The following C12orf42 variants were observed in gnomAD, a reference collection of about 807,000 sequenced individuals.
C12orf42 encodes uncharacterized protein C12orf42.
A neutral mutation model predicts 21.6 loss-of-function variants in C12orf42; 25 were observed. The ratio of observed to expected loss-of-function variants is 1.16; its 90% confidence interval spans 0.84 to 1.62. C12orf42 has a LOEUF of 1.62. Ranked by LOEUF, C12orf42 falls within the 40% of genes most tolerant of loss-of-function variation. The probability of loss-of-function intolerance (pLI) is 0.00; values close to 1 mark genes in which losing one functional copy is unlikely to be tolerated. For synonymous variants in C12orf42, 174 were observed against 175.0 expected (o/e 0.99, Z 0.05); for missense variants, 483 against 459.3 (o/e 1.05, Z -0.47).
the C12orf42 span, among the ~76,000 whole-genome samples, chr12:103,175,565 G>T: frequency 9.2e-5 from 14 of 152,116 alleles, no homozygotes. Context: ...AAAGAGTGGC[G>T]TGAAGTTCAG....
chr12:103,179,622 T>C, the C12orf42 span, among the ~76,000 whole-genome samples: 1 of 152,182 alleles, frequency 6.6e-6, no homozygotes, highest in African/African-American at 2.4e-5. Flanking sequence ...TTTTAAAGCA[T>C]CTGTACTTTG....
At chr12:103,314,207 G>A (rs901793397) in intron 4 of C12orf42, among the ~76,000 whole-genome samples, 50 of 152,012 alleles carry the variant, frequency 3.3e-4, no homozygotes, top group African/African-American at 1.2e-3. Flanking sequence ...GGGAGGGCAG[G>A]AGAGGTGTTG....
chr12:103,071,969 A>G, the C12orf42 span, among the ~76,000 whole-genome samples: 1 of 152,188 alleles, frequency 6.6e-6, no homozygotes, highest in Non-Finnish European at 1.5e-5. Context: ...TCTTGGGTCC[A>G]AACAGTGTAC....
chr12:103,391,105 G>A (rs2047039341), intron 3 of C12orf42, among the ~76,000 whole-genome samples: 2 of 151,874 alleles, frequency 1.3e-5, no homozygotes, highest in Non-Finnish European at 2.9e-5. Context: ...TATTTCCATG[G>A]TTCATCCACA....
intron 4 of C12orf42, among the ~76,000 whole-genome samples, chr12:103,348,655 G>C (rs543501421): frequency 6.6e-6 from 1 of 152,092 alleles, no homozygotes; most frequent in Non-Finnish European, 1.5e-5. Flanking sequence ...GTCATTTCGG[G>C]AATTTTTGAA....
the C12orf42 span, among the ~76,000 whole-genome samples, chr12:103,530,676 G>T: frequency 6.6e-6 from 1 of 152,204 alleles, no homozygotes; most frequent in Non-Finnish European, 1.5e-5. Context: ...GTGAGATGGG[G>T]GAGGTGAGGG....
the C12orf42 span, among the ~76,000 whole-genome samples, chr12:103,097,001 T>C: frequency 6.6e-6 from 1 of 152,224 alleles, no homozygotes; most frequent in African/African-American, 2.4e-5. Context: ...ACATTTTCTC[T>C]ACTAAAGAGT....
the C12orf42 span, among the ~76,000 whole-genome samples, chr12:103,119,641 C>T: frequency 6.6e-6 from 1 of 152,278 alleles, no homozygotes; most frequent in Admixed American, 6.5e-5. Context: ...AGGAGAAGGA[C>T]TATATCTGAC....
At chr12:103,103,804 CTT>C in the C12orf42 span, among the ~76,000 whole-genome samples, 4 of 143,018 alleles carry the variant, frequency 2.8e-5, no homozygotes, top group Admixed American at 7.0e-5. Flanking sequence ...TAATAGCTCA[CTT>C]TTTTTTTTTT....
At chr12:103,473,877 C>G (rs140805952) in intron 2 of C12orf42, among the ~76,000 whole-genome samples, 1 of 152,144 alleles carries the variant, frequency 6.6e-6, no homozygotes, top group Non-Finnish European at 1.5e-5. Context: ...CTGAGTAGCA[C>G]AGAGGATGTG....
At chr12:103,501,716 G>A in the C12orf42 span, among the ~76,000 whole-genome samples, 1 of 152,000 alleles carries the variant, frequency 6.6e-6, no homozygotes, top group Non-Finnish European at 1.5e-5. Context: ...TTTCCTTTAG[G>A]AAGCCGTGTA....
chr12:103,298,847 C>T (rs570699682), downstream of C12orf42, among the ~76,000 whole-genome samples: 27 of 152,276 alleles, frequency 1.8e-4, no homozygotes, highest in South Asian at 3.5e-3. Context: ...CCTTTCCTTC[C>T]CTTATTTTCT....
At chr12:103,230,278 A>G in the C12orf42 span, among the ~76,000 whole-genome samples, 1 of 152,144 alleles carries the variant, frequency 6.6e-6, no homozygotes, top group South Asian at 2.1e-4. Flanking sequence ...ACTTGCTTCT[A>G]AGCTCCCTTG....
At chr12:103,263,910 T>C (rs763699400), downstream of C12orf42, among the ~76,000 whole-genome samples, 15 of 152,172 alleles carry the variant, frequency 9.9e-5, no homozygotes, top group Non-Finnish European at 1.9e-4. Context: ...AACTGGAACC[T>C]GGCTGATGTC....
chr12:103,081,779 A>G, the C12orf42 span, among the ~76,000 whole-genome samples: 1 of 152,190 alleles, frequency 6.6e-6, no homozygotes, highest in Non-Finnish European at 1.5e-5. Flanking sequence ...TTGTAAAATT[A>G]TTAAATAATT....
chr12:103,268,595 G>T (rs1418940759), exon 7 of C12orf42: 1 of 151,760 alleles, frequency 6.6e-6, no homozygotes, highest in African/African-American at 2.4e-5. Flanking sequence ...AGCAAGATTT[G>T]GTTGCATTAT....
intron 4 of C12orf42, among the ~76,000 whole-genome samples, chr12:103,277,971 A>G (rs2035875145): frequency 6.6e-6 from 1 of 152,194 alleles, no homozygotes; most frequent in Non-Finnish European, 1.5e-5. Context: ...AAATAAGTTG[A>G]AGAATAAATC....
chr12:103,116,946 C>T, the C12orf42 span, among the ~76,000 whole-genome samples: 1 of 152,088 alleles, frequency 6.6e-6, no homozygotes, highest in Admixed American at 6.6e-5. Flanking sequence ...TTATGGGATA[C>T]ATAGGGAAAC....
chr12:103,059,492 C>T, the C12orf42 span, among the ~76,000 whole-genome samples: 1 of 152,166 alleles, frequency 6.6e-6, no homozygotes, highest in Non-Finnish European at 1.5e-5. Flanking sequence ...GTAGTATCAT[C>T]CTGATACCAA....
Sources: gnomAD v4.1 joint callset for allele counts (sites outside exome capture counted in the v4.1 genomes callset) on GRCh38, gnomAD v4.1.1 for gene constraint, MANE v1.5 for transcripts, NCBI Gene and HGNC (gene_info 2026-07-23, HGNC 2026-07-21) for gene names.